CACNA2D3: variants seen among roughly 807,000 people sequenced by gnomAD.
The protein encoded by CACNA2D3 is voltage-dependent calcium channel subunit alpha-2/delta-3.
In CACNA2D3, 60 loss-of-function variants were observed where a neutral mutation model predicts 160.6. The ratio of observed to expected loss-of-function variants is 0.37; its 90% CI spans 0.30 to 0.46. The LOEUF (loss-of-function observed/expected upper bound fraction) is 0.46, where lower values mean the gene tolerates loss of function less well. Among genes scored for constraint, CACNA2D3 ranks in the 20% least tolerant of loss-of-function variants. CACNA2D3 has a pLI of 1.00. For missense variants in CACNA2D3, 1,205 were observed against 1,365.0 expected (o/e 0.88, Z 1.85); for synonymous variants, 558 against 492.9 (o/e 1.13, Z -1.75).
intron 2 of CACNA2D3, among the ~76,000 whole-genome samples, chr3:54,215,879 C>A (rs1301138240): frequency 7.6e-6 from 1 of 131,050 alleles, no homozygotes; most frequent in African/African-American, 2.5e-5. Flanking sequence ...GTTTTCTTTT[C>A]TTTTCTTTTT....
chr3:54,278,592 C>T (rs368199730), intron 2 of CACNA2D3, among the ~76,000 whole-genome samples: 14 of 152,264 alleles, frequency 9.2e-5, no homozygotes, highest in East Asian at 7.7e-4. Context: ...CCCAAATGTT[C>T]GTCAGTAATA....
At position 54,709,365 on chromosome 3, in the gene CACNA2D3, T is replaced by TC. The variant is rs1215553760; in HGVS notation, c.1168-43234_1168-43233insC. Among the ~76,000 whole-genome samples, 7 of 18,680 alleles carry TC rather than the reference T, an allele frequency of 3.7e-4. No individual in the cohort carries two copies. In the South Asian group the frequency reaches 0.016, roughly 43 times the overall value. 12.3% of individuals were successfully genotyped at this position (18,680 alleles called of 152,430 possible). ...CTGCTTAAAGTCCTCTCTCTCTCTCTTTTTTTTTTTCTTAAAGAGAGGGTC... is the reference window on the plus strand; with the variant it reads ...CTGCTTAAAGTCCTCTCTCTCTCTCTCTTTTTTTTTTCTTAAAGAGAGGGTC... On this transcript the variant is annotated intron_variant, in intron 11 of 37. Coordinates refer to ENST00000474759, the MANE Select transcript of CACNA2D3 (RefSeq NM_018398.3).
intron 2 of CACNA2D3, among the ~76,000 whole-genome samples, chr3:54,139,585 T>C (rs1440658043): frequency 6.6e-6 from 1 of 152,024 alleles, no homozygotes; most frequent in Non-Finnish European, 1.5e-5. Flanking sequence ...AAGGCAAAAA[T>C]AAAAGGGACT....
intron 4 of CACNA2D3, among the ~76,000 whole-genome samples, chr3:54,460,566 GCTCT>G (rs1255746920): frequency 6.6e-6 from 1 of 152,006 alleles, no homozygotes; most frequent in Non-Finnish European, 1.5e-5. Context: ...TCATGATTTG[GCTCT>G]CTGTTTGTCC....
intron 11 of CACNA2D3, among the ~76,000 whole-genome samples, chr3:54,716,828 A>G (rs1701059682): frequency 6.6e-6 from 1 of 152,138 alleles, no homozygotes; most frequent in South Asian, 2.1e-4. Context: ...TTCACATAGC[A>G]TAATAAATTA....
At position 54,127,777 on chromosome 3, in the gene CACNA2D3, A is replaced by G. The variant is rs75727097; in HGVS notation, c.204+4183A>G. Among the ~76,000 whole-genome samples the G allele has an allele frequency of 5.1e-3, 773 of 152,300 alleles. 42 individuals are homozygous for G. In the East Asian group the frequency reaches 0.12, roughly 24 times the overall value. Reference sequence around the variant, plus strand: ...GCAGTTTATTGGTCTCATTAACACAATCACCCAGACAGTAGCAGAGCAGGG... The same window carrying G: ...GCAGTTTATTGGTCTCATTAACACAGTCACCCAGACAGTAGCAGAGCAGGG... On this transcript the variant is annotated intron_variant, in intron 2 of 37. Coordinates refer to ENST00000474759, the MANE Select transcript of CACNA2D3 (RefSeq NM_018398.3).
intron 2 of CACNA2D3, among the ~76,000 whole-genome samples, chr3:54,203,280 G>A (rs1202158160): frequency 6.6e-6 from 1 of 152,136 alleles, no homozygotes; most frequent in Admixed American, 6.5e-5. Flanking sequence ...TGGGGGTGTG[G>A]CTCGCTTCTT....
At chr3:54,558,993 C>G (rs933640693) in intron 5 of CACNA2D3, among the ~76,000 whole-genome samples, 3 of 152,030 alleles carry the variant, frequency 2.0e-5, no homozygotes, top group African/African-American at 7.3e-5. Context: ...AAGTAAGCAC[C>G]ACGCCTATAC....
chr3:54,443,443 G>T (rs1700173873), intron 4 of CACNA2D3, among the ~76,000 whole-genome samples: 1 of 152,280 alleles, frequency 6.6e-6, no homozygotes, highest in Admixed American at 6.5e-5. Context: ...TGCAGTTTCT[G>T]TATATTTGGA....
chr3:54,513,114 G>C (rs1018570327), intron 5 of CACNA2D3, among the ~76,000 whole-genome samples: 1 of 152,160 alleles, frequency 6.6e-6, no homozygotes, highest in East Asian at 1.9e-4. Context: ...AGATTTGGGC[G>C]GGGACACAGC....
intron 3 of CACNA2D3, among the ~76,000 whole-genome samples, chr3:54,363,004 G>C (rs1698768531): frequency 6.6e-6 from 1 of 152,130 alleles, no homozygotes; most frequent in Non-Finnish European, 1.5e-5. Context: ...AGACCATCCT[G>C]GTCAACATGG....
intron 11 of CACNA2D3, among the ~76,000 whole-genome samples, chr3:54,729,505 G>A (rs1469952185): frequency 1.3e-5 from 2 of 152,134 alleles, no homozygotes; most frequent in Non-Finnish European, 2.9e-5. Flanking sequence ...GGGCTCGTTG[G>A]TTCTCACTGA....
chr3:54,330,331 G>A (rs910215146), intron 3 of CACNA2D3, among the ~76,000 whole-genome samples: 1 of 151,872 alleles, frequency 6.6e-6, no homozygotes, highest in Non-Finnish European at 1.5e-5. Context: ...GGAGCATTTC[G>A]TGAGTGTGTT....
chr3:54,180,335 A>T (rs965793559), intron 2 of CACNA2D3, among the ~76,000 whole-genome samples: 8 of 152,206 alleles, frequency 5.3e-5, no homozygotes, highest in Admixed American at 1.3e-4. Flanking sequence ...CACCAAGTGC[A>T]TGACCTTGCT....
In CACNA2D3 at chr3:54,626,375, C is replaced by T. The variant is rs191268956; in HGVS notation, c.964-1412C>T. On this transcript the variant is annotated intron_variant, in intron 9 of 37. Coordinates refer to ENST00000474759, the MANE Select transcript of CACNA2D3 (RefSeq NM_018398.3). ...CGGGGCCTGCGGCGGAAGCAGCACT[C>T]CCTGCTGAAGTGCCTGCGCAAGGCC... 49 of 1,564,412 alleles carry T rather than the reference C, an allele frequency of 3.1e-5. 1 individual carries two copies. Among genetic ancestry groups the T allele is most frequent in the Non-Finnish European group, 3.6e-5 (41 of 1,154,816 alleles).
intron 13 of CACNA2D3, among the ~76,000 whole-genome samples, chr3:54,768,517 A>G (rs150108333): frequency 7.9e-5 from 12 of 152,342 alleles, no homozygotes; most frequent in East Asian, 7.7e-4. Flanking sequence ...TTGCTACTCA[A>G]ACTTTTGCGC....
intron 34 of CACNA2D3, among the ~76,000 whole-genome samples, chr3:55,012,428 C>A (rs1409409578): frequency 6.6e-6 from 1 of 152,058 alleles, no homozygotes; most frequent in African/African-American, 2.4e-5. Context: ...AAGACGCTCC[C>A]TTCTCTTCAT....
chr3:54,665,745 C>T lies in CACNA2D3; in HGVS notation c.1167+23504C>T, dbSNP rs536244117. On this transcript the variant is annotated intron_variant, in intron 11 of 37. Transcript: ENST00000474759. ...GTAACATTAATAGTAAGGGTTGTAG[C>T]GATGGGTGGGTGGGTACATGGATGG... Among the ~76,000 whole-genome samples, 18 of 150,182 alleles carry T rather than the reference C, an allele frequency of 1.2e-4. No individual in the cohort carries two copies. The South Asian group carries it at 3.6e-3, about 30-fold the overall frequency.
chr3:55,069,502 T>TATCA (rs5849073), intron 35 of CACNA2D3, among the ~76,000 whole-genome samples: 2,972 of 152,342 alleles, frequency 0.02, 87 homozygotes, highest in African/African-American at 0.067. Context: ...TTATTGATAC[T>TATCA]ATCAATGGTT....
Sources: allele counts gnomAD v4.1 joint callset (sites outside exome capture counted in the v4.1 genomes callset), GRCh38; gene constraint gnomAD v4.1.1; transcripts MANE v1.5; gene names NCBI Gene and HGNC (gene_info 2026-07-23, HGNC 2026-07-21).